The following ALDH1L1 variants were observed in gnomAD, a reference collection of about 807,000 sequenced individuals.
ALDH1L1 encodes aldehyde dehydrogenase 1 family member L1.
In ALDH1L1, 68 loss-of-function variants were observed where a neutral mutation model predicts 101.1. The ratio of observed to expected loss-of-function variants is 0.67; its 90% CI spans 0.55 to 0.82. The LOEUF is 0.82. ALDH1L1 is among the 40% of genes least tolerant of loss of function. The pLI is 0.00. For missense variants in ALDH1L1, 1,087 were observed against 1,172.7 expected (o/e 0.93, Z 1.07); for synonymous variants, 486 against 470.8 (o/e 1.03, Z -0.42).
chr3:126,137,228 G>A (rs1576446323), intron 10 of ALDH1L1, among the ~76,000 whole-genome samples: 1 of 152,176 alleles, frequency 6.6e-6, no homozygotes, highest in Non-Finnish European at 1.5e-5. Context: ...CCTGTGGATT[G>A]GCAATTCCTC....
chr3:126,170,409 A>G (rs904488814), intron 1 of ALDH1L1, among the ~76,000 whole-genome samples: 5 of 125,476 alleles, frequency 4.0e-5, no homozygotes, highest in Non-Finnish European at 3.3e-5. Flanking sequence ...CCAAACATGC[A>G]CCTCTGCCTG....
At chr3:126,130,675 G>T (rs908246483) in intron 13 of ALDH1L1, among the ~76,000 whole-genome samples, 3 of 152,226 alleles carry the variant, frequency 2.0e-5, no homozygotes, top group African/African-American at 7.2e-5. Context: ...TGCGGAGTAG[G>T]GGCGGGCACC....
At chr3:126,141,858 G>C (rs2080574976) in intron 9 of ALDH1L1, among the ~76,000 whole-genome samples, 1 of 151,832 alleles carries the variant, frequency 6.6e-6, no homozygotes, top group Non-Finnish European at 1.5e-5. Flanking sequence ...GATTAGAACA[G>C]AGATAAATGA....
intron 19 of ALDH1L1, among the ~76,000 whole-genome samples, chr3:126,112,018 C>G (rs775363104): frequency 1.3e-5 from 2 of 152,204 alleles, no homozygotes; most frequent in Non-Finnish European, 2.9e-5. Flanking sequence ...ATGCTGGTGC[C>G]ATCAGCCCCA....
chr3:126,157,801 A>G (rs1418130455), intron 3 of ALDH1L1, among the ~76,000 whole-genome samples: 1 of 152,138 alleles, frequency 6.6e-6, no homozygotes, highest in Non-Finnish European at 1.5e-5. Context: ...AAGTGAAGCG[A>G]CACCCACAAA....
chr3:126,117,908 G>A (rs1281575652), intron 17 of ALDH1L1, 97 bp downstream of exon 17: 2 of 1,222,654 alleles, frequency 1.6e-6, no homozygotes, highest in Non-Finnish European at 2.3e-6. Context: ...CTGTGCCCTG[G>A]AGCCTGGGAA....
chr3:126,192,836 G>A lies in ALDH1L1; in HGVS notation c.-24+4899C>T, dbSNP rs557378830. ...AGTTTAATTGAGTGATGAATGATTC[G>A]TGAATCGGGCAGCCCCCAGAATCAC... On this transcript the variant is annotated intron_variant, in intron 1 of 2. Transcript: ENST00000509952. 1.2e-4 allele frequency among the ~76,000 whole-genome samples: 19 copies of A among 152,304 alleles called. No homozygotes were observed. The East Asian group carries it at 2.3e-3, about 19-fold the overall frequency.
chr3:126,158,384 T>G lies in ALDH1L1; in HGVS notation c.362+21A>C, dbSNP rs538618818. The G allele has an allele frequency of 1.1e-5, 17 of 1,541,278 alleles. No individual in the cohort carries two copies. The Admixed American group carries it at 2.3e-4, about 21-fold the overall frequency. ...AGGGACATGTATGGGGATGGCCCCC[T>G]GTGTTTTTGCCCCATCTCACCAGTT... On this transcript the variant is annotated intron_variant, in intron 3 of 22. Coordinates refer to ENST00000393434, the MANE Select transcript of ALDH1L1 (RefSeq NM_012190.4).
intron 1 of ALDH1L1, among the ~76,000 whole-genome samples, chr3:126,191,029 G>T (rs1320753279): frequency 6.6e-6 from 1 of 152,154 alleles, no homozygotes; most frequent in East Asian, 1.9e-4. Context: ...TGAGTTTTCA[G>T]CCCAAGACTC....
At chr3:126,159,726 T>C (rs904413458) in intron 2 of ALDH1L1, among the ~76,000 whole-genome samples, 17 of 152,254 alleles carry the variant, frequency 1.1e-4, no homozygotes, top group African/African-American at 4.1e-4. Context: ...GGTCAGCAGC[T>C]GGGGTCAGTG....
rs1946035468 is a variant in ALDH1L1 at position 126,110,201 on chromosome 3, G to C, written c.2182-92C>G. 11 of 1,518,340 alleles carry C rather than the reference G, an allele frequency of 7.2e-6. No homozygotes were observed. In the South Asian group the frequency reaches 1.2e-4, roughly 17 times the overall value. 94.1% of individuals were successfully genotyped at this position (1,518,340 alleles called of 1,614,324 possible). ...GACTCAGCTCTCATGGCTGACCCCTGGGGAAAGTCCACACTCTGTTCTAGC... is the reference window on the plus strand; with the variant it reads ...GACTCAGCTCTCATGGCTGACCCCTCGGGAAAGTCCACACTCTGTTCTAGC... On this transcript the variant is annotated intron_variant, in intron 19 of 22. Transcript: ENST00000393434.
At chr3:126,104,082 T>G in intron 22 of ALDH1L1, 4 of 578,778 alleles carry the variant, frequency 6.9e-6, no homozygotes, top group Non-Finnish European at 1.2e-5. Flanking sequence ...TTTAAGAATC[T>G]TCCCCAGCTC....
intron 20 of ALDH1L1, among the ~76,000 whole-genome samples, chr3:126,108,484 G>A (rs375984529): frequency 3.9e-5 from 6 of 152,296 alleles, no homozygotes; most frequent in Admixed American, 6.5e-5. Flanking sequence ...TCCTGAACCC[G>A]GCCATCCTTG....
intron 8 of ALDH1L1, 141 bp downstream of exon 8, chr3:126,150,265 T>C: frequency 2.2e-6 from 3 of 1,357,902 alleles, no homozygotes; most frequent in Non-Finnish European, 2.9e-6. Context: ...CAAGACGAGA[T>C]AGAACCAACA....
At chr3:126,137,014 G>A in intron 10 of ALDH1L1, 131 bp from the exon 11 acceptor site, 1 of 1,324,852 alleles carries the variant, frequency 7.5e-7, no homozygotes, top group Non-Finnish European at 1.0e-6. Flanking sequence ...GTAGGCAACA[G>A]CTGAGCAGGG....
chr3:126,119,492 C>G (rs2080038305), intron 16 of ALDH1L1, among the ~76,000 whole-genome samples: 1 of 152,162 alleles, frequency 6.6e-6, no homozygotes, highest in South Asian at 2.1e-4. Context: ...TCGCTCAGTC[C>G]AGAGCTCCTG....
chr3:126,146,961 G>C, intron 8 of ALDH1L1, 35 bp from the exon 9 acceptor site: 1 of 1,596,934 alleles, frequency 6.3e-7, no homozygotes, highest in East Asian at 2.2e-5. Flanking sequence ...GCTGGCCCCA[G>C]GGGAGCTGGG....
In ALDH1L1 at chr3:126,105,368, G is replaced by A. The variant is rs1341087639; in HGVS notation, c.2653+358C>T. Reference sequence around the variant, plus strand: ...CACGACCAAAGCTGGTTCCCCCAAGGACCTGCTGAACCCTCAGCCAGAAAC... The same window carrying A: ...CACGACCAAAGCTGGTTCCCCCAAGAACCTGCTGAACCCTCAGCCAGAAAC... On this transcript the variant is annotated intron_variant, in intron 22 of 22. Coordinates refer to ENST00000393434, the MANE Select transcript of ALDH1L1 (RefSeq NM_012190.4). 11 of 356,562 alleles carry A rather than the reference G, an allele frequency of 3.1e-5. No homozygotes were observed. In the Admixed American group the frequency reaches 4.1e-4, roughly 13 times the overall value. 22.1% of individuals were successfully genotyped at this position (356,562 alleles called of 1,614,324 possible). A position where few individuals can be genotyped will look rare whatever the true frequency, so the allele number is the denominator to read the frequency against.
At position 126,107,378 on chromosome 3, in the gene ALDH1L1, G is replaced by A. The variant is rs563868765; in HGVS notation, c.2348-132C>T. The A allele has an allele frequency of 1.2e-3, 801 of 680,232 alleles. 2 individuals carry two copies. Among genetic ancestry groups the A allele is most frequent in the Middle Eastern group, 3.5e-3 (9 of 2,590 alleles). 42.1% of individuals were successfully genotyped at this position (680,232 alleles called of 1,614,324 possible). A position where few individuals can be genotyped will look rare whatever the true frequency, so the allele number is the denominator to read the frequency against. On this transcript the variant is annotated intron_variant, in intron 20 of 22. Transcript: ENST00000393434. The stretch of plus-strand genomic sequence containing the variant: ...ACATAAGCACCGGGTCACGGCACCC[G>A]TGTGATGGGTGTCACCACGCTGCAG...
Sources: allele counts gnomAD v4.1 joint callset (sites outside exome capture counted in the v4.1 genomes callset), GRCh38; gene constraint gnomAD v4.1.1; transcripts MANE v1.5; gene names NCBI Gene and HGNC (gene_info 2026-07-23, HGNC 2026-07-21).